Variants in DFFB observed in about 807,000 individuals in gnomAD.
The protein encoded by DFFB is DNA fragmentation factor subunit beta.
In DFFB, 29 loss-of-function variants were observed where a neutral mutation model predicts 32.7. The ratio of observed to expected loss-of-function variants is 0.89; its 90% CI spans 0.66 to 1.21. The LOEUF is 1.21. Ranked by LOEUF, DFFB falls within the 50% of genes most tolerant of loss-of-function variation. The pLI, the probability that DFFB is intolerant of heterozygous loss-of-function variation, is 0.00. For synonymous variants in DFFB, 170 were observed against 177.1 expected, an observed-to-expected ratio of 0.96 and a Z score of 0.32; for missense variants, 398 against 440.6, an observed-to-expected ratio of 0.90 and a Z score of 0.87.
chr1:3,857,820 G>C, intron 1 of DFFB, 103 bp downstream of exon 1: 1 of 842,514 alleles, frequency 1.2e-6, no homozygotes, highest in Non-Finnish European at 1.7e-6. Flanking sequence ...GGCGGCGCCC[G>C]GGGCGGGTAG....
At chr1:3,879,668 TACTC>T (rs144157800) in intron 6 of DFFB, among the ~76,000 whole-genome samples, 1,662 of 152,240 alleles carry the variant, frequency 0.011, 16 homozygotes, top group Middle Eastern at 0.017. Context: ...AGAGAGTAAA[TACTC>T]AGTCTGTGGT....
rs183196333 is a variant in DFFB at position 3,864,261 on chromosome 1, G to A, written c.242-1551G>A. Among the ~76,000 whole-genome samples the A allele has an allele frequency of 4.4e-4, 66 of 151,646 alleles. 1 individual carries two copies. The highest frequency in any genetic ancestry group is 1.5e-3 in the African/African-American group (61 of 41,310). On this transcript the variant is annotated intron_variant, in intron 2 of 6. Transcript: ENST00000378209. ...ATTACAGGCGTGAGCCACCGCGCCC[G>A]GCCTCTGAATTGTACACTTTAAATG...
chr1:3,861,024 G>A (rs895843390), intron 2 of DFFB, among the ~76,000 whole-genome samples: 6 of 151,988 alleles, frequency 3.9e-5, no homozygotes, highest in South Asian at 2.1e-4. Context: ...GCATGGTGGC[G>A]GGCGCTTGTA....
intron 5 of DFFB, 107 bp downstream of exon 5, chr1:3,869,882 A>G: frequency 8.3e-7 from 1 of 1,197,760 alleles, no homozygotes; most frequent in Non-Finnish European, 1.2e-6. Flanking sequence ...GCCTGGGCAA[A>G]GCCTTGTGAA....
At chr1:3,880,744 G>A (rs1199463722) in intron 6 of DFFB, among the ~76,000 whole-genome samples, 2 of 152,172 alleles carry the variant, frequency 1.3e-5, no homozygotes, top group Non-Finnish European at 1.5e-5. Flanking sequence ...TGGGCCTGGA[G>A]CTCGCTTGGG....
chr1:3,857,490 A>G lies in DFFB; in HGVS notation c.-114A>G. 3.0e-6 allele frequency: 2 copies of G among 670,232 alleles called. No individual in the cohort carries two copies. The highest frequency in any genetic ancestry group is 2.3e-6 in the Non-Finnish European group (1 of 427,152). 41.5% of individuals were successfully genotyped at this position (670,232 alleles called of 1,614,324 possible). A position where few individuals can be genotyped will look rare whatever the true frequency, so the allele number is the denominator to read the frequency against. On this transcript the variant is annotated 5_prime_UTR_variant, in exon 1 of 7. Transcript: ENST00000378209. ...CCGGGATCGGCACCCGGCCTGTGCCAGCTTGCAGAGCTCACCAGGTGCAGA... is the reference window on the plus strand; with the variant it reads ...CCGGGATCGGCACCCGGCCTGTGCCGGCTTGCAGAGCTCACCAGGTGCAGA...
rs111287794 is a variant in DFFB, at chr1:3,871,963, C to T, written c.682-509C>T. ...AGGACTCACACTGGCGTGGGCAGCA[C>T]CCAGGCGATGGTGCTAGACCCTTCA... is the stretch of plus-strand genomic sequence containing the variant. On this transcript the variant is annotated intron_variant, in intron 5 of 6. Transcript: ENST00000378209. Among the ~76,000 whole-genome samples, 1,209 of 152,230 alleles carry T rather than the reference C, an allele frequency of 7.9e-3. 13 individuals carry two copies. The highest frequency in any genetic ancestry group is 0.027 in the African/African-American group (1,120 of 41,524).
intron 2 of DFFB, among the ~76,000 whole-genome samples, chr1:3,863,883 G>T (rs987616803): frequency 1.3e-5 from 2 of 152,150 alleles, no homozygotes; most frequent in Admixed American, 6.5e-5. Flanking sequence ...TTTTTGAGGT[G>T]GTGAAAATGT....
intron 6 of DFFB, among the ~76,000 whole-genome samples, chr1:3,878,136 T>C (rs192530363): frequency 9.9e-5 from 15 of 151,836 alleles, no homozygotes; most frequent in Admixed American, 4.6e-4. Context: ...TTGGCCATGA[T>C]GGCTACTCAG....
chr1:3,880,840 C>T (rs901301998), intron 6 of DFFB, among the ~76,000 whole-genome samples: 2 of 152,280 alleles, frequency 1.3e-5, no homozygotes, highest in East Asian at 1.9e-4. Context: ...CATGGCTCTT[C>T]GTGGGTTCGG....
Position 3,858,889 on chromosome 1 carries a change from C to T in DFFB, c.241+45C>T, listed in dbSNP as rs565575390. The T allele has an allele frequency of 9.2e-5, 147 of 1,605,440 alleles. 1 individual carries two copies. In the South Asian group the frequency reaches 1.5e-3, roughly 16 times the overall value. The stretch of plus-strand genomic sequence containing the variant: ...GAGGTGGGCGGGAAGCTGGCACTCT[C>T]CGAGGTCCTGGGGGCTTAGCTCCAG... On this transcript the variant is annotated intron_variant, in intron 2 of 6. Transcript: ENST00000378209.
intron 1 of DFFB, 41 bp downstream of exon 1, chr1:3,857,758 G>A (rs1399435626): frequency 3.0e-6 from 4 of 1,351,278 alleles, no homozygotes; most frequent in South Asian, 1.5e-5. Flanking sequence ...TCGGGGAGGC[G>A]TGTGGGGAGA....
intron 2 of DFFB, among the ~76,000 whole-genome samples, chr1:3,864,521 T>A (rs899652654): frequency 1.3e-5 from 2 of 152,062 alleles, no homozygotes; most frequent in African/African-American, 4.8e-5. Flanking sequence ...CAATGCTGAC[T>A]ATCTGAATAT....
At chr1:3,862,730 TA>T (rs1644901546) in intron 2 of DFFB, among the ~76,000 whole-genome samples, 1 of 152,196 alleles carries the variant, frequency 6.6e-6, no homozygotes, top group African/African-American at 2.4e-5. Flanking sequence ...GTTAAAAATA[TA>T]AAGCCCTTAG....
chr1:3,863,553 G>C (rs1012612392), intron 2 of DFFB, among the ~76,000 whole-genome samples: 2 of 152,114 alleles, frequency 1.3e-5, no homozygotes, highest in East Asian at 3.8e-4. Context: ...ACCAAAACTC[G>C]TCCGTGAGCG....
chr1:3,881,949 A>T (rs1467026140), intron 6 of DFFB, among the ~76,000 whole-genome samples: 1 of 151,968 alleles, frequency 6.6e-6, no homozygotes, highest in African/African-American at 2.4e-5. Context: ...AGCTCACTCA[A>T]CACCCACCAT....
At chr1:3,867,721 T>C (rs1242721066) in intron 3 of DFFB, 2 of 448,104 alleles carry the variant, frequency 4.5e-6, no homozygotes, top group Admixed American at 3.7e-5. Flanking sequence ...GGTGTGGTAG[T>C]GCGTCCCTGT....
intron 4 of DFFB, among the ~76,000 whole-genome samples, chr1:3,868,678 C>G (rs112024591): frequency 0.049 from 566 of 11,538 alleles, 78 homozygotes; most frequent in African/African-American, 0.052. Context: ...CACCACACCA[C>G]GCCACACCAC....
At chr1:3,872,371 C>CAT in intron 5 of DFFB, 101 bp from the exon 6 acceptor site, 1 of 816,612 alleles carries the variant, frequency 1.2e-6, no homozygotes. Context: ...CGAGATCGGG[C>CAT]CACTGCACTC....
Sources: allele counts gnomAD v4.1 joint callset (sites outside exome capture counted in the v4.1 genomes callset), GRCh38; gene constraint gnomAD v4.1.1; transcripts MANE v1.5; gene names NCBI Gene and HGNC (gene_info 2026-07-23, HGNC 2026-07-21).